The following SYCP1 variants were observed in gnomAD, a reference collection of about 807,000 sequenced individuals.
SYCP1 encodes cancer/testis antigen 8.
In SYCP1, 64 loss-of-function variants were observed where a neutral mutation model predicts 153.1. The observed-to-expected ratio is 0.42, with a 90% CI of 0.34 to 0.51. The LOEUF is 0.51. SYCP1 is among the 20% of genes least tolerant of loss of function. The probability of loss-of-function intolerance (pLI) is 0.06; values close to 1 mark genes in which losing one functional copy is unlikely to be tolerated. For missense variants in SYCP1, 997 were observed against 1,049.0 expected, an observed-to-expected ratio of 0.95 and a Z score of 0.68; for synonymous variants, 384 against 341.8, an observed-to-expected ratio of 1.12 and a Z score of -1.36.
intron 15 of SYCP1, 114 bp downstream of exon 15, chr1:114,887,807 G>A (rs1146156): frequency 0.028 from 16,213 of 584,846 alleles, 288 homozygotes; most frequent in South Asian, 0.036. Flanking sequence ...AGTAGAGATT[G>A]CTTGATAATA....
At chr1:114,925,723 G>T (rs360588) in intron 21 of SYCP1, among the ~76,000 whole-genome samples, 53,749 of 151,880 alleles carry the variant, frequency 0.35, 10,514 homozygotes, top group East Asian at 0.5. Context: ...ATATTTAGGG[G>T]ATTATAAACA....
intron 7 of SYCP1, 94 bp from the exon 8 acceptor site, chr1:114,860,642 C>A (rs1664304796): frequency 2.5e-6 from 2 of 790,652 alleles, no homozygotes; most frequent in South Asian, 4.0e-5. Context: ...TTAAAAATTT[C>A]TTAAAAATTG....
intron 30 of SYCP1, among the ~76,000 whole-genome samples, chr1:114,989,156 G>C (rs1466343061): frequency 6.6e-6 from 1 of 151,830 alleles, no homozygotes; most frequent in South Asian, 2.1e-4. Flanking sequence ...GACAGAATTA[G>C]ATCCTGTCAA....
intron 9 of SYCP1, among the ~76,000 whole-genome samples, chr1:114,875,461 G>C (rs186149417): frequency 6.6e-6 from 1 of 151,910 alleles, no homozygotes; most frequent in Non-Finnish European, 1.5e-5. Flanking sequence ...GGGTTTCACC[G>C]TGTTAGCCAG....
At chr1:114,951,983 A>T (rs1162282781) in intron 27 of SYCP1, among the ~76,000 whole-genome samples, 1 of 152,032 alleles carries the variant, frequency 6.6e-6, no homozygotes, top group Non-Finnish European at 1.5e-5. Context: ...GCAGATAGAA[A>T]AATGTAAATA....
intron 23 of SYCP1, among the ~76,000 whole-genome samples, chr1:114,938,010 C>T (rs1369271417): frequency 6.6e-6 from 1 of 152,140 alleles, no homozygotes; most frequent in African/African-American, 2.4e-5. Context: ...GGACCTAGAA[C>T]TAGAAATACC....
intron 8 of SYCP1, among the ~76,000 whole-genome samples, chr1:114,867,679 G>A (rs77932310): frequency 1.3e-5 from 2 of 151,810 alleles, no homozygotes; most frequent in South Asian, 2.1e-4. Flanking sequence ...CAAATTCTCT[G>A]TATAGACAGT....
At chr1:114,867,084 A>G (rs1490977270) in intron 8 of SYCP1, among the ~76,000 whole-genome samples, 1 of 151,268 alleles carries the variant, frequency 6.6e-6, no homozygotes, top group Non-Finnish European at 1.5e-5. Flanking sequence ...CTGTTTCTGG[A>G]CTCTCTATTT....
intron 15 of SYCP1, among the ~76,000 whole-genome samples, chr1:114,893,813 A>G (rs1265218653): frequency 6.6e-6 from 1 of 152,066 alleles, no homozygotes; most frequent in African/African-American, 2.4e-5. Context: ...GGGGATGTTT[A>G]TCTTGCTTAA....
At chr1:114,921,389 A>G (rs929530564) in intron 20 of SYCP1, among the ~76,000 whole-genome samples, 2 of 151,942 alleles carry the variant, frequency 1.3e-5, no homozygotes, top group Admixed American at 1.3e-4. Context: ...TTCCTACTTA[A>G]GATACGAGGC....
intron 30 of SYCP1, 141 bp downstream of exon 30, chr1:114,985,009 G>T (rs984646781): frequency 5.2e-6 from 2 of 385,132 alleles, no homozygotes; most frequent in Non-Finnish European, 8.4e-6. Context: ...CTAAAATGCA[G>T]ATCCTTGTGC....
At chr1:114,944,556 A>C (rs182351869) in intron 24 of SYCP1, 101 bp downstream of exon 24, 2 of 743,182 alleles carry the variant, frequency 2.7e-6, no homozygotes, top group Non-Finnish European at 4.3e-6. Flanking sequence ...ATTAAATTAC[A>C]ATTTTAGAAA....
At chr1:114,947,775 G>T (rs1265897851) in intron 27 of SYCP1, among the ~76,000 whole-genome samples, 1 of 112,422 alleles carries the variant, frequency 8.9e-6, no homozygotes, top group Admixed American at 1.4e-4. Flanking sequence ...TCGCGCCACT[G>T]CACTCTAGCC....
chr1:114,946,514 T>C (rs192901253), intron 26 of SYCP1, 133 bp downstream of exon 26: 147 of 478,360 alleles, frequency 3.1e-4, no homozygotes, highest in Admixed American at 2.1e-3. Context: ...AGGGATCTTA[T>C]AGATCTTCTA....
intron 8 of SYCP1, among the ~76,000 whole-genome samples, chr1:114,866,719 A>T (rs1664770513): frequency 6.6e-6 from 1 of 151,872 alleles, no homozygotes; most frequent in African/African-American, 2.4e-5. Flanking sequence ...ATTTTAATGA[A>T]GTCCAGCTCA....
At chr1:114,856,390 T>G (rs1432079829) in intron 2 of SYCP1, among the ~76,000 whole-genome samples, 183 bp from the exon 3 acceptor site, 1 of 152,198 alleles carries the variant, frequency 6.6e-6, no homozygotes, top group African/African-American at 2.4e-5. Context: ...AATATCTAAT[T>G]AGAATTTTTT....
chr1:114,995,259 G>A lies in SYCP1; in HGVS notation c.*240G>A, dbSNP rs1291411439. The A allele has an allele frequency of 3.3e-6, 1 of 300,084 alleles. No homozygotes were observed. Among genetic ancestry groups the A allele is most frequent in the African/African-American group, 2.2e-5 (1 of 45,764 alleles). 18.6% of individuals were successfully genotyped at this position (300,084 alleles called of 1,614,324 possible). A position where few individuals can be genotyped will look rare whatever the true frequency, so the allele number is the denominator to read the frequency against. ...TGTTGTTACTTTTTCTTGTATTCAT[G>A]AAAACTGTTTTTACTAAGTTTTCAA... is the stretch of plus-strand genomic sequence containing the variant. On this transcript the variant is annotated 3_prime_UTR_variant, in exon 32 of 32. Transcript: ENST00000369522.
chr1:114,914,046 G>T lies in SYCP1; in HGVS notation c.1718+1G>T. 6.5e-7 allele frequency: 1 copy of T among 1,549,058 alleles called. No homozygotes were observed. The highest frequency in any genetic ancestry group is 1.3e-5 in the South Asian group (1 of 76,846). On this transcript the variant is annotated splice_donor_variant, in intron 20 of 31. Coordinates refer to ENST00000369522, the MANE Select transcript of SYCP1 (RefSeq NM_003176.4). LOFTEE classifies it high-confidence loss of function. ...TTCAAGAAACAGAAACCCAATTAAGGCAAGACTAACAAATTGGCCTTTTTT... is the reference window on the plus strand; with the variant it reads ...TTCAAGAAACAGAAACCCAATTAAGTCAAGACTAACAAATTGGCCTTTTTT...
At chr1:114,880,577 A>G (rs192249358) in intron 12 of SYCP1, among the ~76,000 whole-genome samples, 2 of 152,318 alleles carry the variant, frequency 1.3e-5, no homozygotes, top group Admixed American at 6.5e-5. Flanking sequence ...AAGGTTTTTC[A>G]GGTTTTCAAT....
Sources: allele counts gnomAD v4.1 joint callset (sites outside exome capture counted in the v4.1 genomes callset), GRCh38; gene constraint gnomAD v4.1.1; transcripts MANE v1.5; gene names NCBI Gene and HGNC (gene_info 2026-07-23, HGNC 2026-07-21).